Variants in CYP19A1 observed in about 807,000 individuals in gnomAD.
The protein encoded by CYP19A1 is cytochrome P450 family 19 subfamily A member 1.
A neutral mutation model predicts 44.4 loss-of-function variants in CYP19A1; 32 were observed. The observed-to-expected ratio is 0.72, with a 90% confidence interval of 0.54 to 0.97. CYP19A1 has a LOEUF of 0.97. Ranked by LOEUF, CYP19A1 falls within the 50% of genes least tolerant of loss-of-function variation. CYP19A1 has a pLI of 0.00. For missense variants in CYP19A1, 598 were observed against 637.8 expected (o/e 0.94, Z 0.67); for synonymous variants, 212 against 215.6 (o/e 0.98, Z 0.14).
intron 1 of CYP19A1, among the ~76,000 whole-genome samples, chr15:51,323,101 C>T (rs186424690): frequency 2.5e-3 from 377 of 152,344 alleles, no homozygotes; most frequent in Admixed American, 4.9e-3. Context: ...CTGCCTTCTT[C>T]CTGTTTTCCC....
At position 51,215,828 on chromosome 15, in the gene CYP19A1, A is replaced by T. The variant is rs1354941495; in HGVS notation, c.744-11T>A. On this transcript the variant is annotated splice_polypyrimidine_tract_variant and intron_variant, in intron 6 of 9. Coordinates refer to ENST00000396402, the MANE Select transcript of CYP19A1 (RefSeq NM_000103.4). ...TCTTTCAAATCCTTGCTGGAAAAAA[A>T]GTCAAAATATTGTCTATTTTTACTC... 12 of 1,613,278 alleles carry T rather than the reference A, an allele frequency of 7.4e-6. No individual in the cohort carries two copies. Among genetic ancestry groups the T allele is most frequent in the Non-Finnish European group, 4.2e-6 (5 of 1,179,930 alleles).
intron 1 of CYP19A1, among the ~76,000 whole-genome samples, chr15:51,280,855 C>T (rs1370909881): frequency 2.6e-5 from 4 of 152,238 alleles, no homozygotes; most frequent in African/African-American, 9.6e-5. Flanking sequence ...CCACAGCACT[C>T]TCACATCCTG....
At chr15:51,227,731 G>A in intron 4 of CYP19A1, 48 bp downstream of exon 4, 2 of 616,872 alleles carry the variant, frequency 3.2e-6, no homozygotes, top group East Asian at 2.9e-5. Context: ...TTCAAAAAAG[G>A]CACATTCATA....
chr15:51,270,375 T>C (rs1388244443), intron 1 of CYP19A1, among the ~76,000 whole-genome samples: 2 of 152,184 alleles, frequency 1.3e-5, no homozygotes, highest in Non-Finnish European at 2.9e-5. Context: ...AAGCAAAAGC[T>C]TTTGGGGGAT....
At position 51,285,980 on chromosome 15, in the gene CYP19A1, C is replaced by T. The variant is rs543649977; in HGVS notation, c.-38-43030G>A. Among the ~76,000 whole-genome samples the T allele has an allele frequency of 3.9e-5, 6 of 152,300 alleles. No individual in the cohort carries two copies. In the South Asian group the frequency reaches 8.3e-4, roughly 21 times the overall value. On this transcript the variant is annotated intron_variant, in intron 1 of 9. Transcript: ENST00000396402. ...CACTCCTAAACACCTTACTTGCCCCCCATCCAGACGGCACCAGCTTTGTCA... is the reference window on the plus strand; with the variant it reads ...CACTCCTAAACACCTTACTTGCCCCTCATCCAGACGGCACCAGCTTTGTCA...
At chr15:51,259,663 T>G (rs967901989) in intron 1 of CYP19A1, among the ~76,000 whole-genome samples, 1 of 152,196 alleles carries the variant, frequency 6.6e-6, no homozygotes, top group African/African-American at 2.4e-5. Flanking sequence ...CTAGCCTTCC[T>G]CAACATCTTT....
rs78310315 is a variant in CYP19A1, at chr15:51,211,010, C to T, written c.1310G>A (p.Cys437Tyr). ...FQPFGFGPRG[C>Y]AGKYIAMVMM... ...CACCATGGCGATGTACTTTCCTGCA[C>T]AGCCACGGGGCCCAAAGCCAAATGG... The change falls in exon 10 of 10, where the codon TGT (cysteine) becomes TAT (tyrosine). Residue 437 changes from cysteine to tyrosine, a missense_variant. Cys to Tyr is a radical substitution (Grantham distance 194). Coordinates refer to ENST00000396402, the MANE Select transcript of CYP19A1 (RefSeq NM_000103.4). The T allele has an allele frequency of 5.0e-6, 8 of 1,590,916 alleles. No homozygotes were observed. Among genetic ancestry groups the T allele is most frequent in the Non-Finnish European group, 4.3e-6 (5 of 1,158,926 alleles).
chr15:51,289,753 G>T (rs2035800173), intron 1 of CYP19A1, among the ~76,000 whole-genome samples: 1 of 152,182 alleles, frequency 6.6e-6, no homozygotes. Context: ...AGGACTGAAA[G>T]CTCACCCCGT....
chr15:51,252,989 C>T lies in CYP19A1; in HGVS notation c.-38-10039G>A, dbSNP rs150654663. 4.6e-5 allele frequency among the ~76,000 whole-genome samples: 7 copies of T among 152,242 alleles called. 1 individual carries two copies. The East Asian group carries it at 1.4e-3, about 29-fold the overall frequency. On this transcript the variant is annotated intron_variant, in intron 1 of 9. Coordinates refer to ENST00000396402, the MANE Select transcript of CYP19A1 (RefSeq NM_000103.4). The stretch of plus-strand genomic sequence containing the variant: ...AAGCATTACTCTGCAAGATACCAAG[C>T]TGAGGAAGGGCATTGCAGGTAGAGA...
intron 1 of CYP19A1, among the ~76,000 whole-genome samples, chr15:51,331,330 G>A (rs1182257201): frequency 6.6e-6 from 1 of 152,218 alleles, no homozygotes; most frequent in Non-Finnish European, 1.5e-5. Context: ...ACTAGAATGA[G>A]AGCTTGCTGA....
intron 5 of CYP19A1, among the ~76,000 whole-genome samples, chr15:51,219,374 A>G (rs2031870021): frequency 6.6e-6 from 1 of 152,246 alleles, no homozygotes; most frequent in South Asian, 2.1e-4. Context: ...GATAATATAC[A>G]AAAGAGAGAA....
intron 1 of CYP19A1, among the ~76,000 whole-genome samples, chr15:51,280,872 C>A (rs2035495234): frequency 6.6e-6 from 1 of 152,220 alleles, no homozygotes; most frequent in Admixed American, 6.5e-5. Flanking sequence ...CCTGACCAAC[C>A]ACTGCTGGGA....
intron 1 of CYP19A1, chr15:51,294,018 A>G (rs2035912665): frequency 6.2e-6 from 1 of 162,556 alleles, no homozygotes; most frequent in South Asian, 1.1e-4. Context: ...CTGGCCGCCC[A>G]TCGTCTGGGA....
chr15:51,312,854 C>T (rs1467211842), intron 1 of CYP19A1: 1 of 152,300 alleles, frequency 6.6e-6, no homozygotes, highest in Non-Finnish European at 1.5e-5. Context: ...CCTCCCCTCC[C>T]TCCAGCTGCT....
intron 1 of CYP19A1, among the ~76,000 whole-genome samples, chr15:51,286,168 C>A (rs2035692716): frequency 6.6e-6 from 1 of 152,194 alleles, no homozygotes; most frequent in African/African-American, 2.4e-5. Flanking sequence ...CAACTCTACT[C>A]CTCTCTCCTG....
intron 1 of CYP19A1, chr15:51,277,165 GT>G (rs1234151188): frequency 6.6e-6 from 1 of 152,178 alleles, no homozygotes; most frequent in Non-Finnish European, 1.5e-5. Context: ...TTTCTAGTCT[GT>G]TTTCTTAGAT....
chr15:51,273,932 G>A (rs1381437432), intron 1 of CYP19A1, among the ~76,000 whole-genome samples: 8 of 152,084 alleles, frequency 5.3e-5, no homozygotes, highest in Admixed American at 3.3e-4. Context: ...GCTTGAACCC[G>A]AGAGACGGAG....
chr15:51,331,488 G>A (rs2036699774), intron 1 of CYP19A1, among the ~76,000 whole-genome samples: 1 of 152,178 alleles, frequency 6.6e-6, no homozygotes, highest in Non-Finnish European at 1.5e-5. Flanking sequence ...AAGGAATGGG[G>A]GCAAACCTGT....
At chr15:51,323,355 A>G (rs1263287270) in intron 1 of CYP19A1, among the ~76,000 whole-genome samples, 2 of 152,250 alleles carry the variant, frequency 1.3e-5, no homozygotes, top group South Asian at 4.1e-4. Context: ...GATGTCCTAT[A>G]GAAGGAAAAA....
Sources: allele counts gnomAD v4.1 joint callset (sites outside exome capture counted in the v4.1 genomes callset), GRCh38; gene constraint gnomAD v4.1.1; transcripts MANE v1.5; gene names NCBI Gene and HGNC (gene_info 2026-07-23, HGNC 2026-07-21).